Variants in CTNNA3 observed in about 807,000 individuals in gnomAD.
The protein encoded by CTNNA3 is catenin alpha 3.
In CTNNA3, 76 loss-of-function variants were observed where a neutral mutation model predicts 95.7. The ratio of observed to expected loss-of-function variants is 0.79; its 90% CI spans 0.66 to 0.96. The LOEUF (loss-of-function observed/expected upper bound fraction) is 0.96. Ranked by LOEUF, CTNNA3 falls within the 40% of genes least tolerant of loss-of-function variation. The pLI is 0.00. For synonymous variants in CTNNA3, 431 were observed against 374.4 expected (o/e 1.15, Z -1.74); for missense variants, 1,191 against 1,089.8 (o/e 1.09, Z -1.31).
chr10:67,558,583 A>T (rs1841344455), intron 3 of CTNNA3, among the ~76,000 whole-genome samples: 1 of 152,346 alleles, frequency 6.6e-6, no homozygotes, highest in South Asian at 2.1e-4. Context: ...TGATTTCTGC[A>T]TTTCCATCTG....
intron 14 of CTNNA3, among the ~76,000 whole-genome samples, chr10:66,081,914 C>A (rs1049553596): frequency 6.6e-6 from 1 of 151,970 alleles, no homozygotes; most frequent in African/African-American, 2.4e-5. Flanking sequence ...GTCAGGAATT[C>A]GAGATCAGCC....
chr10:67,353,893 T>A (rs1237446404), intron 5 of CTNNA3, among the ~76,000 whole-genome samples: 1 of 152,038 alleles, frequency 6.6e-6, no homozygotes, highest in Non-Finnish European at 1.5e-5. Context: ...TCTCAGCCAC[T>A]GCCACCAATG....
At chr10:67,427,507 C>G (rs1845964273) in intron 5 of CTNNA3, among the ~76,000 whole-genome samples, 4 of 151,914 alleles carry the variant, frequency 2.6e-5, no homozygotes, top group Admixed American at 1.3e-4. Flanking sequence ...ATTCAAAAAA[C>G]TCATATTACT....
chr10:66,083,964 C>T (rs1335902406), intron 14 of CTNNA3, among the ~76,000 whole-genome samples: 1 of 151,520 alleles, frequency 6.6e-6, no homozygotes, highest in Admixed American at 6.6e-5. Flanking sequence ...GGAGAAACCC[C>T]ATCTCTACTA....
At chr10:66,117,003 C>A (rs2082370430) in intron 13 of CTNNA3, among the ~76,000 whole-genome samples, 1 of 152,244 alleles carries the variant, frequency 6.6e-6, no homozygotes, top group African/African-American at 2.4e-5. Context: ...GGTGGGGATA[C>A]AGAGCCAAAC....
chr10:66,364,118 T>C (rs2092695264), intron 12 of CTNNA3, among the ~76,000 whole-genome samples: 1 of 151,670 alleles, frequency 6.6e-6, no homozygotes, highest in Non-Finnish European at 1.5e-5. Flanking sequence ...TGCTTAGTCT[T>C]TATGTACTTC....
intron 1 of CTNNA3, among the ~76,000 whole-genome samples, chr10:67,659,562 G>C (rs1840120081): frequency 6.6e-6 from 1 of 151,958 alleles, no homozygotes. Context: ...TTTTTTAAAA[G>C]CCATAGAACT....
At chr10:67,709,367 A>T (rs1428015135) in intron 1 of CTNNA3, among the ~76,000 whole-genome samples, 1 of 152,216 alleles carries the variant, frequency 6.6e-6, no homozygotes, top group South Asian at 2.1e-4. Context: ...TAAGCAGAAC[A>T]TACATGAATG....
intron 7 of CTNNA3, among the ~76,000 whole-genome samples, chr10:66,783,532 T>C (rs1421498425): frequency 2.0e-5 from 3 of 152,216 alleles, no homozygotes; most frequent in Non-Finnish European, 4.4e-5. Context: ...TTTAGAAAAG[T>C]GCCTACCCCT....
chr10:67,561,075 T>G (rs1841492180), intron 3 of CTNNA3, among the ~76,000 whole-genome samples: 1 of 147,278 alleles, frequency 6.8e-6, no homozygotes, highest in African/African-American at 2.6e-5. Flanking sequence ...ATTAGACAGA[T>G]CAACGAGACA....
chr10:66,807,715 T>TA (rs1380598819), intron 7 of CTNNA3, among the ~76,000 whole-genome samples: 1 of 152,126 alleles, frequency 6.6e-6, no homozygotes, highest in East Asian at 1.9e-4. Context: ...TTTTCCAAAA[T>TA]AAAAATTTTT....
intron 5 of CTNNA3, among the ~76,000 whole-genome samples, chr10:67,235,711 A>C (rs905775322): frequency 1.4e-5 from 2 of 143,506 alleles, no homozygotes; most frequent in African/African-American, 2.7e-5. Flanking sequence ...AGAAACTACC[A>C]TCAGAGTGAA....
intron 11 of CTNNA3, among the ~76,000 whole-genome samples, chr10:66,489,093 A>C (rs1485844221): frequency 6.6e-6 from 1 of 152,214 alleles, no homozygotes; most frequent in East Asian, 1.9e-4. Flanking sequence ...ATCAAAGACT[A>C]CTACATACAC....
At chr10:66,371,148 A>G (rs1308993738) in intron 12 of CTNNA3, among the ~76,000 whole-genome samples, 1 of 152,182 alleles carries the variant, frequency 6.6e-6, no homozygotes, top group Non-Finnish European at 1.5e-5. Flanking sequence ...TATAAAGTTC[A>G]ATTCAGTATC....
At chr10:66,834,686 T>A (rs1288576860) in intron 7 of CTNNA3, among the ~76,000 whole-genome samples, 2 of 152,204 alleles carry the variant, frequency 1.3e-5, no homozygotes, top group Non-Finnish European at 2.9e-5. Context: ...TAAGCGTTCA[T>A]GAAAAAAGTT....
chr10:65,969,573 A>T (rs1359989543), intron 16 of CTNNA3, among the ~76,000 whole-genome samples: 1 of 152,210 alleles, frequency 6.6e-6, no homozygotes, highest in Admixed American at 6.5e-5. Context: ...AAACATCTTT[A>T]AAATATCAAT....
chr10:67,047,779 G>A (rs1854845074), intron 7 of CTNNA3, among the ~76,000 whole-genome samples: 1 of 151,974 alleles, frequency 6.6e-6, no homozygotes, highest in Non-Finnish European at 1.5e-5. Flanking sequence ...ATTAACAGGT[G>A]GCTTTCCCCT....
At chr10:67,195,042 G>C (rs376912574) in intron 6 of CTNNA3, among the ~76,000 whole-genome samples, 25 of 151,950 alleles carry the variant, frequency 1.6e-4, no homozygotes, top group African/African-American at 5.8e-4. Context: ...GAATCAAAAT[G>C]TGTCTGGAAT....
chr10:66,834,895 T>A (rs1842839085), intron 7 of CTNNA3, among the ~76,000 whole-genome samples: 1 of 152,148 alleles, frequency 6.6e-6, no homozygotes, highest in African/African-American at 2.4e-5. Context: ...CATTAAGTTA[T>A]CCTATTCAAA....
Sources: gnomAD v4.1 joint callset for allele counts (sites outside exome capture counted in the v4.1 genomes callset) on GRCh38, gnomAD v4.1.1 for gene constraint, MANE v1.5 for transcripts, NCBI Gene and HGNC (gene_info 2026-07-23, HGNC 2026-07-21) for gene names.